The following PRICKLE1 variants were observed in gnomAD, a reference collection of about 807,000 sequenced individuals.
PRICKLE1 encodes the protein prickle-like protein 1.
PRICKLE1 carries 14 observed loss-of-function variants against 70.2 expected under a neutral mutation model. The observed-to-expected ratio is 0.20, with a 90% CI of 0.13 to 0.31. The LOEUF (loss-of-function observed/expected upper bound fraction) is 0.31. PRICKLE1 is among the 10% of genes least tolerant of loss of function. The probability of loss-of-function intolerance (pLI) is 1.00; values close to 1 mark genes in which losing one functional copy is unlikely to be tolerated. For missense variants in PRICKLE1, 821 were observed against 1,026.2 expected (o/e 0.80, Z 2.73); for synonymous variants, 357 against 379.9 (o/e 0.94, Z 0.70).
intron 1 of PRICKLE1, among the ~76,000 whole-genome samples, chr12:42,527,889 C>G (rs1361030872): frequency 7.5e-6 from 1 of 133,902 alleles, no homozygotes; most frequent in Non-Finnish European, 1.6e-5. Context: ...TAGGGGCTAC[C>G]AACTGGAGTT....
chr12:42,564,269 A>AGAAAG lies in PRICKLE1; in HGVS notation c.-49+25195_-49+25196insCTTTC, dbSNP rs1555240606. Among the ~76,000 whole-genome samples, 190 of 124,992 alleles carry AGAAAG rather than the reference A, an allele frequency of 1.5e-3. 5 individuals are homozygous for AGAAAG. Among genetic ancestry groups the AGAAAG allele is most frequent in the African/African-American group, 4.8e-3 (158 of 33,026 alleles). The allele number at this position is 124,992 out of a possible 152,430, so 82.0% of individuals were successfully genotyped here. Reference sequence around the variant, plus strand: ...GACTCTGTCTAAAAAAAAAAAAAAAAAAAGAAAAGAAAAAAGAAAAAGGTC... The same window carrying AGAAAG: ...GACTCTGTCTAAAAAAAAAAAAAAAAGAAAGAAAGAAAAGAAAAAAGAAAAAGGTC... On this transcript the variant is annotated intron_variant, in intron 1 of 7. Transcript: ENST00000345127.
chr12:42,460,098 T>TGGGGTG lies in PRICKLE1; in HGVS notation c.2206_2207insCACCCC (p.Ala735_His736insProPro). 1 of 1,614,062 alleles carries TGGGGTG rather than the reference T, an allele frequency of 6.2e-7. No homozygotes were observed. The highest frequency in any genetic ancestry group is 8.5e-7 in the Non-Finnish European group (1 of 1,179,998). On this transcript the variant is annotated inframe_insertion, in exon 8 of 8. Coordinates refer to ENST00000345127, the MANE Select transcript of PRICKLE1 (RefSeq NM_153026.3). ...CTGCAGGCCATAATCGGAAGTGGCA[T>TGGGGTG]GGGCGTACTGTCCGTAGAGATCAGC...
intron 1 of PRICKLE1, among the ~76,000 whole-genome samples, chr12:42,558,555 G>T (rs759926712): frequency 2.1e-4 from 32 of 152,220 alleles, no homozygotes; most frequent in Non-Finnish European, 3.8e-4. Flanking sequence ...GACCCTGCTT[G>T]CCTGGGTCCC....
At chr12:42,515,992 T>G (rs1301583465) in intron 1 of PRICKLE1, among the ~76,000 whole-genome samples, 1 of 152,210 alleles carries the variant, frequency 6.6e-6, no homozygotes. Flanking sequence ...CTCCTGCTAT[T>G]TAGATACTGG....
chr12:42,579,609 G>A (rs1395496938), intron 1 of PRICKLE1, among the ~76,000 whole-genome samples: 1 of 152,170 alleles, frequency 6.6e-6, no homozygotes, highest in Middle Eastern at 3.2e-3. Context: ...CTGAGACCCT[G>A]ATGATTTGAT....
intron 1 of PRICKLE1, among the ~76,000 whole-genome samples, chr12:42,568,451 G>A (rs1940657121): frequency 6.6e-6 from 1 of 152,196 alleles, no homozygotes; most frequent in African/African-American, 2.4e-5. Context: ...TTGGGAGTAT[G>A]GGCGTGAGCC....
intron 1 of PRICKLE1, among the ~76,000 whole-genome samples, chr12:42,583,922 C>A (rs1050186066): frequency 4.6e-5 from 7 of 152,222 alleles, no homozygotes; most frequent in Non-Finnish European, 1.0e-4. Context: ...AAACAGAACT[C>A]CCCAGTTCTA....
At chr12:42,484,557 A>C (rs1938936475) in intron 1 of PRICKLE1, 1 of 152,254 alleles carries the variant, frequency 6.6e-6, no homozygotes, top group Non-Finnish European at 1.5e-5. Flanking sequence ...CCTACTGCTT[A>C]GCGCAGGAGA....
intron 5 of PRICKLE1, among the ~76,000 whole-genome samples, chr12:42,467,677 C>T (rs1001354293): frequency 5.3e-5 from 8 of 152,136 alleles, no homozygotes; most frequent in Admixed American, 3.3e-4. Context: ...ACACGCGGGG[C>T]GGAGGTTGCA....
chr12:42,522,176 A>G (rs1939722652), intron 1 of PRICKLE1, among the ~76,000 whole-genome samples: 1 of 151,854 alleles, frequency 6.6e-6, no homozygotes, highest in Admixed American at 6.6e-5. Context: ...GGGTTTCACC[A>G]TGTTGGCCAG....
At chr12:42,570,128 A>C (rs1239126695) in intron 1 of PRICKLE1, among the ~76,000 whole-genome samples, 1 of 152,232 alleles carries the variant, frequency 6.6e-6, no homozygotes, top group African/African-American at 2.4e-5. Context: ...CGCCTACCTG[A>C]ATTACCCTAG....
intron 1 of PRICKLE1, among the ~76,000 whole-genome samples, chr12:42,556,524 G>A (rs1034757063): frequency 3.3e-5 from 5 of 152,172 alleles, no homozygotes; most frequent in Admixed American, 2.0e-4. Flanking sequence ...CTATCTAAGC[G>A]TCATGGCCAG....
chr12:42,459,749 GGAAAC>G lies in PRICKLE1; in HGVS notation c.*55_*59del. The G allele has an allele frequency of 6.2e-7, 1 of 1,602,340 alleles. No individual in the cohort carries two copies. The highest frequency in any genetic ancestry group is 8.5e-7 in the Non-Finnish European group (1 of 1,170,916). On this transcript the variant is annotated 3_prime_UTR_variant, in exon 8 of 8. Transcript: ENST00000345127. ...TTCACAACTTTCCTACGGAAGAAAA[GGAAAC>G]GATTCAGACGGTTAATGGCTAAGTT...
Position 42,460,596 on chromosome 12 carries a change from T to C in PRICKLE1, c.1709A>G (p.Glu570Gly). ...GCTCATCTTCTCACAATCTTCTGTT[T>C]CCATCTCCTCAAAATTTTGCAGAGA... is the stretch of plus-strand genomic sequence containing the variant. Reference protein sequence around the residue: ...LYSLQNFEEMETEDCEKMSNM... With the variant: ...LYSLQNFEEMGTEDCEKMSNM... Residue 570 changes from glutamate to glycine, a missense_variant, in exon 8 of 8, where the codon GAA becomes GGA. By Grantham distance (98) the Glu-to-Gly change is moderately conservative (BLOSUM62 -2). Transcript: ENST00000345127. The C allele has an allele frequency of 6.2e-7, 1 of 1,613,744 alleles. No homozygotes were observed.
chr12:42,584,659 C>A (rs778053399), intron 1 of PRICKLE1, among the ~76,000 whole-genome samples: 4 of 152,068 alleles, frequency 2.6e-5, no homozygotes, highest in Non-Finnish European at 5.9e-5. Context: ...GAACACACTT[C>A]GAAATGCTTT....
intron 1 of PRICKLE1, among the ~76,000 whole-genome samples, chr12:42,558,033 T>G (rs1940441737): frequency 6.6e-6 from 1 of 152,196 alleles, no homozygotes; most frequent in Admixed American, 6.5e-5. Context: ...CAAATCAGGC[T>G]TCCGAGTAAG....
chr12:42,517,293 T>C (rs1214743019), intron 1 of PRICKLE1, among the ~76,000 whole-genome samples: 1 of 149,878 alleles, frequency 6.7e-6, no homozygotes, highest in South Asian at 2.1e-4. Context: ...TAAATGTGTG[T>C]ACTCAGTCTG....
At chr12:42,491,618 C>T (rs1392568083) in intron 1 of PRICKLE1, among the ~76,000 whole-genome samples, 3 of 151,972 alleles carry the variant, frequency 2.0e-5, no homozygotes, top group Admixed American at 6.6e-5. Flanking sequence ...GAAGTAGGCA[C>T]ATGATTTTTA....
chr12:42,572,465 A>T (rs556623704), intron 1 of PRICKLE1, among the ~76,000 whole-genome samples: 75 of 148,856 alleles, frequency 5.0e-4, no homozygotes, highest in East Asian at 2.5e-3. Context: ...ATAAATAAAT[A>T]AATAAATTAA....
Sources: gnomAD v4.1 joint callset for allele counts (sites outside exome capture counted in the v4.1 genomes callset) on GRCh38, gnomAD v4.1.1 for gene constraint, MANE v1.5 for transcripts, NCBI Gene and HGNC (gene_info 2026-07-23, HGNC 2026-07-21) for gene names.